Variants in NT5C1A observed in about 807,000 individuals in gnomAD.
NT5C1A encodes the protein cytosolic 5'-nucleotidase 1A.
NT5C1A carries 18 observed loss-of-function variants against 31.0 expected under a neutral mutation model. That is an observed-to-expected ratio of 0.58 (90% CI 0.40 to 0.86). The LOEUF (loss-of-function observed/expected upper bound fraction) is 0.86. Ranked by LOEUF, NT5C1A falls within the 40% of genes least tolerant of loss-of-function variation. NT5C1A has a pLI of 0.00. For synonymous variants in NT5C1A, 185 were observed against 203.6 expected (o/e 0.91, Z 0.78); for missense variants, 470 against 505.4 (o/e 0.93, Z 0.67).
rs113762538 is a variant in NT5C1A, at chr1:39,653,377, T to TACAC, written c.*5740_*5743dup. ...GATAACCATCTGTACACATAGTGAG[T>TACAC]ACACACACACACACAGAGTCATTGG... On this transcript the variant is annotated 3_prime_UTR_variant, in exon 6 of 6. Coordinates refer to ENST00000235628, the MANE Select transcript of NT5C1A (RefSeq NM_032526.3). 6.6e-6 allele frequency among the ~76,000 whole-genome samples: 1 copy of TACAC among 151,094 alleles called. No individual in the cohort carries two copies. The highest frequency in any genetic ancestry group is 1.5e-5 in the Non-Finnish European group (1 of 67,692).
rs755068407 is a variant in NT5C1A, at chr1:39,663,345, CG to C, written c.522del (p.Asp175MetfsTer76). The C allele has an allele frequency of 6.2e-7, 1 of 1,614,114 alleles. No individual in the cohort carries two copies. Among genetic ancestry groups the C allele is most frequent in the Non-Finnish European group, 8.5e-7 (1 of 1,180,020 alleles). On this transcript the variant is annotated frameshift_variant, in exon 4 of 6. Transcript: ENST00000235628. LOFTEE classifies it high-confidence loss of function. ...KAYHTNLYLS[A>X]DAEKVREAID... ...ATGGCTTCTCGCACTTTTTCCGCAT[CG>C]GCTGACAAGTAGAGGTTGGTGTGAT...
rs1180273 is a variant in NT5C1A, at chr1:39,655,194, C to A, written c.*3927G>T. On this transcript the variant is annotated 3_prime_UTR_variant, in exon 6 of 6. Transcript: ENST00000235628. ...TGACCTTGTGATCCACCCGCCTTGG[C>A]CTCCCAAAGTGCTGGGATTACAGGC... 6.6e-6 allele frequency among the ~76,000 whole-genome samples: 1 copy of A among 152,086 alleles called. No individual in the cohort carries two copies. The highest frequency in any genetic ancestry group is 1.9e-4 in the East Asian group (1 of 5,176).
At chr1:39,662,738 G>A (rs745674949) in intron 4 of NT5C1A, among the ~76,000 whole-genome samples, 3 of 152,164 alleles carry the variant, frequency 2.0e-5, no homozygotes, top group Non-Finnish European at 4.4e-5. Context: ...CACCTCGTTG[G>A]GAGGACTGAG....
intron 4 of NT5C1A, among the ~76,000 whole-genome samples, chr1:39,662,542 A>G (rs926719267): frequency 1.3e-5 from 2 of 151,968 alleles, no homozygotes; most frequent in Admixed American, 1.3e-4. Flanking sequence ...CAGGAGAGTG[A>G]GTTATCAGGG....
In NT5C1A at chr1:39,654,091, C is replaced by T. The variant is rs1222819755; in HGVS notation, c.*5030G>A. 6.6e-6 allele frequency among the ~76,000 whole-genome samples: 1 copy of T among 152,150 alleles called. No homozygotes were observed. The highest frequency in any genetic ancestry group is 2.4e-5 in the African/African-American group (1 of 41,422). On this transcript the variant is annotated 3_prime_UTR_variant, in exon 6 of 6. Coordinates refer to ENST00000235628, the MANE Select transcript of NT5C1A (RefSeq NM_032526.3). ...ATGATGGCTGTAGATGGGGCGTCTT[C>T]CATACTGTCTGTTCTTGCAGTGGAT... is the stretch of plus-strand genomic sequence containing the variant.
At chr1:39,667,121 C>T (rs1479025994) in intron 1 of NT5C1A, among the ~76,000 whole-genome samples, 1 of 151,984 alleles carries the variant, frequency 6.6e-6, no homozygotes, top group Non-Finnish European at 1.5e-5. Flanking sequence ...CCCTACTTCT[C>T]TTTCCATTCC....
chr1:39,651,280 C>T lies in NT5C1A; in HGVS notation c.*7841G>A, dbSNP rs1000351455. Among the ~76,000 whole-genome samples, 2 of 152,220 alleles carry T rather than the reference C, an allele frequency of 1.3e-5. No homozygotes were observed. The highest frequency in any genetic ancestry group is 4.8e-5 in the African/African-American group (2 of 41,450). ...GAATGGCTTTTAAGAAGCAGAAGCA[C>T]ATGTGGTAAAATTAAGGTATAGGAC... On this transcript the variant is annotated 3_prime_UTR_variant, in exon 6 of 6. Transcript: ENST00000235628.
At position 39,658,197 on chromosome 1, in the gene NT5C1A, G is replaced by A. The variant is rs940813669; in HGVS notation, c.*924C>T. ...GCAGGCAGCTACTAATGCTTCTCCC[G>A]GGAAGAGCCTGCAGTGCCCCCTGCT... On this transcript the variant is annotated 3_prime_UTR_variant, in exon 6 of 6. Coordinates refer to ENST00000235628, the MANE Select transcript of NT5C1A (RefSeq NM_032526.3). Among the ~76,000 whole-genome samples the A allele has an allele frequency of 6.6e-6, 1 of 152,160 alleles. No individual in the cohort carries two copies. The highest frequency in any genetic ancestry group is 6.5e-5 in the Admixed American group (1 of 15,276).
chr1:39,664,497 T>TCCTCCCCTCC, intron 3 of NT5C1A, among the ~76,000 whole-genome samples: 1 of 1,824 alleles, frequency 5.5e-4, no homozygotes, highest in South Asian at 0.019. Context: ...TCTCCTCCTC[T>TCCTCCCCTCC]CCTCTCCTCT....
At position 39,652,441 on chromosome 1, in the gene NT5C1A, C is replaced by G. The variant is rs1052526277; in HGVS notation, c.*6680G>C. On this transcript the variant is annotated 3_prime_UTR_variant, in exon 6 of 6. Coordinates refer to ENST00000235628, the MANE Select transcript of NT5C1A (RefSeq NM_032526.3). Reference sequence around the variant, plus strand: ...AGTGTTCTCCATTCTCAGTGAAGAACTGGCTTAATCCTCTCCACTCATTTA... The same window carrying G: ...AGTGTTCTCCATTCTCAGTGAAGAAGTGGCTTAATCCTCTCCACTCATTTA... Among the ~76,000 whole-genome samples, 3 of 152,230 alleles carry G rather than the reference C, an allele frequency of 2.0e-5. No individual in the cohort carries two copies. Among genetic ancestry groups the G allele is most frequent in the Admixed American group, 1.3e-4 (2 of 15,284 alleles).
chr1:39,651,239 C>T lies in NT5C1A; in HGVS notation c.*7882G>A, dbSNP rs934312803. 1.3e-5 allele frequency among the ~76,000 whole-genome samples: 2 copies of T among 152,226 alleles called. No homozygotes were observed. Among genetic ancestry groups the T allele is most frequent in the Admixed American group, 6.5e-5 (1 of 15,290 alleles). Reference sequence around the variant, plus strand: ...ACAAGACAACGTAAGTTAATTAAAACCCTCTCCATTTATTTGAATGGCTTT... The same window carrying T: ...ACAAGACAACGTAAGTTAATTAAAATCCTCTCCATTTATTTGAATGGCTTT... On this transcript the variant is annotated 3_prime_UTR_variant, in exon 6 of 6. Transcript: ENST00000235628.
chr1:39,664,397 C>T (rs2124156696), intron 3 of NT5C1A, among the ~76,000 whole-genome samples: 1 of 146,044 alleles, frequency 6.8e-6, no homozygotes, highest in African/African-American at 2.6e-5. Flanking sequence ...TCCCCCGCCT[C>T]GGCCTCCCAA....
intron 1 of NT5C1A, among the ~76,000 whole-genome samples, chr1:39,666,931 A>G (rs1345967028): frequency 6.6e-6 from 1 of 151,942 alleles, no homozygotes; most frequent in East Asian, 1.9e-4. Context: ...GAATCCACCC[A>G]CTTCTTTCGT....
In NT5C1A at chr1:39,662,967, A is replaced by G. The variant is rs1339749184; in HGVS notation, c.556+345T>C. Among the ~76,000 whole-genome samples, 3 of 152,198 alleles carry G rather than the reference A, an allele frequency of 2.0e-5. No homozygotes were observed. In the South Asian group the frequency reaches 6.2e-4, roughly 32 times the overall value. ...GCCCAGGGCAGGGCAGAGGCTGCCT[A>G]TGGTCCTACAGGAATCAGAACTCCT... On this transcript the variant is annotated intron_variant, in intron 4 of 5. Transcript: ENST00000235628.
chr1:39,666,771 ACCTTCTCCCCTCCCAAACCTGATC>A (rs1211987128), intron 1 of NT5C1A, among the ~76,000 whole-genome samples: 1 of 152,072 alleles, frequency 6.6e-6, no homozygotes, highest in Non-Finnish European at 1.5e-5. Flanking sequence ...AATTCCCATC[ACCTTCTCCCCTCCCAAACCTGATC>A]CCTTCTCCCT....
Position 39,666,240 on chromosome 1 carries a change from C to G in NT5C1A, c.136-4G>C, listed in dbSNP as rs751131955. 1.2e-5 allele frequency: 19 copies of G among 1,613,200 alleles called. No homozygotes were observed. The East Asian group carries it at 2.9e-4, about 25-fold the overall frequency. On this transcript the variant is annotated splice_region_variant and splice_polypyrimidine_tract_variant and intron_variant, in intron 1 of 5. Transcript: ENST00000235628. ...TGACTGCATTCTGAGGCTTGGGCTGCAGAGGTATGGGAGAAGGGGTTGTCA... is the reference window on the plus strand; with the variant it reads ...TGACTGCATTCTGAGGCTTGGGCTGGAGAGGTATGGGAGAAGGGGTTGTCA...
In NT5C1A at chr1:39,665,667, A is replaced by AC. The variant is rs749797498; in HGVS notation, c.304-18dup. ...CTCCAGAGCCTGGAAAGGAGAGGGC[A>AC]CCCCCCAGCTTAGACCCCCAAGGAT... On this transcript the variant is annotated splice_polypyrimidine_tract_variant and intron_variant, in intron 2 of 5. Coordinates refer to ENST00000235628, the MANE Select transcript of NT5C1A (RefSeq NM_032526.3). 4.3e-6 allele frequency: 7 copies of AC among 1,611,358 alleles called. No individual in the cohort carries two copies. In the African/African-American group the frequency reaches 6.7e-5, roughly 15 times the overall value.
At chr1:39,660,486 T>C (rs1411175556) in intron 5 of NT5C1A, among the ~76,000 whole-genome samples, 1 of 152,116 alleles carries the variant, frequency 6.6e-6, no homozygotes, top group African/African-American at 2.4e-5. Context: ...AAGGGATGGA[T>C]GGCAGGAGAT....
rs937307496 is a variant in NT5C1A, at chr1:39,655,362, A to C, written c.*3759T>G. Among the ~76,000 whole-genome samples the C allele has an allele frequency of 6.6e-6, 1 of 152,136 alleles. No homozygotes were observed. The highest frequency in any genetic ancestry group is 6.5e-5 in the Admixed American group (1 of 15,278). The stretch of plus-strand genomic sequence containing the variant: ...CACACTGGGTTTCTCAAAACTTGGG[A>C]TTGTTTGGAAGTGCTTCTGGGGGTT... On this transcript the variant is annotated 3_prime_UTR_variant, in exon 6 of 6. Transcript: ENST00000235628.
Sources: allele counts gnomAD v4.1 joint callset (sites outside exome capture counted in the v4.1 genomes callset), GRCh38; gene constraint gnomAD v4.1.1; transcripts MANE v1.5; gene names NCBI Gene and HGNC (gene_info 2026-07-23, HGNC 2026-07-21).